Variants in CDK3 observed in about 807,000 individuals in gnomAD.
CDK3 encodes cyclin dependent kinase 3, also known as cyclin-dependent kinase 3.
A neutral mutation model predicts 30.2 loss-of-function variants in CDK3; 24 were observed. The observed-to-expected ratio is 0.79, with a 90% CI of 0.57 to 1.12. The LOEUF (loss-of-function observed/expected upper bound fraction) is 1.12, where lower values mean the gene tolerates loss of function less well. Ranked by LOEUF, CDK3 falls within the 50% of genes most tolerant of loss-of-function variation. The pLI is 0.00. For synonymous variants in CDK3, 158 were observed against 154.2 expected (o/e 1.02, Z -0.18); for missense variants, 345 against 376.0 (o/e 0.92, Z 0.68).
In CDK3 at chr17:76,005,416, G is replaced by A. The variant is rs761255799; in HGVS notation, c.911G>A (p.Arg304His). Residue 304 changes from arginine to histidine, a missense_variant, in exon 8 of 8, where the codon CGC (arginine) becomes CAC (histidine). Arg to His is a conservative substitution (Grantham distance 29). Transcript: ENST00000448471. The surrounding 1 kb of genome is among the most constrained non-coding windows in gnomAD (Gnocchi z 4.7). ...AARQYVLQRF[R>H]H The stretch of plus-strand genomic sequence containing the variant: ...CGCCAGTATGTGCTGCAGCGATTCC[G>A]CCATTGAGAATGTCAAGGCCACACT... 2.5e-6 allele frequency: 4 copies of A among 1,612,650 alleles called. No individual in the cohort carries two copies. Among genetic ancestry groups the A allele is most frequent in the Admixed American group, 3.3e-5 (2 of 59,826 alleles).
Position 76,001,435 on chromosome 17 carries a change from T to G in CDK3, c.10T>G (p.Phe4Val). Residue 4 changes from phenylalanine (F) to valine (V), a missense_variant, in exon 2 of 8, where the codon TTC becomes GTC. Transcript: ENST00000448471. The surrounding 1 kb of genome is among the most constrained non-coding windows in gnomAD (Gnocchi z 6.2). Reference sequence around the variant, plus strand: ...AGGCAGCTCTGTGGCCATGGATATGTTCCAGAAGGTAGAGAAGATCGGAGA... The same window carrying G: ...AGGCAGCTCTGTGGCCATGGATATGGTCCAGAAGGTAGAGAAGATCGGAGA... MDM[F>V]QKVEKIGEGT... The G allele has an allele frequency of 6.2e-7, 1 of 1,614,110 alleles. No individual in the cohort carries two copies. The highest frequency in any genetic ancestry group is 8.5e-7 in the Non-Finnish European group (1 of 1,179,974).
chr17:76,001,081 G>A lies in CDK3; in HGVS notation c.-15+114G>A, dbSNP rs183174768. 7.0e-3 allele frequency: 8,285 copies of A among 1,182,290 alleles called. 42 individuals carry two copies. Among genetic ancestry groups the A allele is most frequent in the Non-Finnish European group, 8.1e-3 (7,628 of 943,320 alleles). The allele number at this position is 1,182,290 out of a possible 1,614,324, so 73.2% of individuals were successfully genotyped here. A position where few individuals can be genotyped will look rare whatever the true frequency, so the allele number is the denominator to read the frequency against. ...TCTGACTTCCTGGGGGTTCTGGCTG[G>A]GATGGGCAGGGGGCTGGGTGGGAGA... On this transcript the variant is annotated intron_variant, in intron 1 of 7. Coordinates refer to ENST00000448471, the MANE Select transcript of CDK3 (RefSeq NM_001258.4). The surrounding 1 kb of genome is among the most constrained non-coding windows in gnomAD (Gnocchi z 6.2).
chr17:76,001,399 TTC>T lies in CDK3; in HGVS notation c.-14-11_-14-10del. 1.9e-6 allele frequency: 3 copies of T among 1,613,840 alleles called. No homozygotes were observed. In the South Asian group the frequency reaches 3.3e-5, roughly 18 times the overall value. ...CGTGGGGTGCAAATTGCCCGGTGCC[TTC>T]TGTTTCCCAGGCAGCTCTGTGGCCA... is the stretch of plus-strand genomic sequence containing the variant. On this transcript the variant is annotated splice_polypyrimidine_tract_variant and intron_variant, in intron 1 of 7. Coordinates refer to ENST00000448471, the MANE Select transcript of CDK3 (RefSeq NM_001258.4). This position sits in a 1 kb window ranked among gnomAD's most constrained non-coding sequence, Gnocchi z 6.2.
rs1296582663 is a variant in CDK3, at chr17:76,003,256, G to A, written c.650G>A (p.Arg217His). 5 of 1,614,080 alleles carry A rather than the reference G, an allele frequency of 3.1e-6. No homozygotes were observed. Among genetic ancestry groups the A allele is most frequent in the Non-Finnish European group, 4.2e-6 (5 of 1,180,014 alleles). The change falls in exon 7 of 8, where the codon CGT (arginine) becomes CAT (histidine). Residue 217 changes from arginine to histidine, a missense_variant. By Grantham distance (29) the Arg-to-His change is conservative. Transcript: ENST00000448471. ...SEIDQLFRIF[R>H]MLGTPSEDTW... ...ATTGACCAGCTCTTTCGTATCTTTC[G>A]TATGCTGGGGACACCCAGCGAAGAC...
Position 76,001,051 on chromosome 17 carries a change from T to G in CDK3, c.-15+84T>G, listed in dbSNP as rs1270968826. 3 of 1,115,758 alleles carry G rather than the reference T, an allele frequency of 2.7e-6. No individual in the cohort carries two copies. The highest frequency in any genetic ancestry group is 2.1e-5 in the South Asian group (1 of 48,512). 69.1% of individuals were successfully genotyped at this position (1,115,758 alleles called of 1,614,324 possible). On this transcript the variant is annotated intron_variant, in intron 1 of 7. Transcript: ENST00000448471. The surrounding 1 kb of genome is among the most constrained non-coding windows in gnomAD (Gnocchi z 6.2). ...ATGTTGGGCTGGGCTGGGCGAGGGGTGGTCTCTGACTTCCTGGGGGTTCTG... is the reference window on the plus strand; with the variant it reads ...ATGTTGGGCTGGGCTGGGCGAGGGGGGGTCTCTGACTTCCTGGGGGTTCTG...
In CDK3 at chr17:76,002,672, G is replaced by C. The variant is rs753219106; in HGVS notation, c.588+60G>C. ...ACAGGCAGGGTCCTACTGGGGTTGGGTGGGGTCCACTGATGCTCCCATTCG... is the reference window on the plus strand; with the variant it reads ...ACAGGCAGGGTCCTACTGGGGTTGGCTGGGGTCCACTGATGCTCCCATTCG... On this transcript the variant is annotated intron_variant, in intron 6 of 7. Transcript: ENST00000448471. The surrounding 1 kb of genome is among the most constrained non-coding windows in gnomAD (Gnocchi z 4.3). 9.0e-6 allele frequency: 7 copies of C among 775,098 alleles called. No individual in the cohort carries two copies. Among genetic ancestry groups the C allele is most frequent in the Non-Finnish European group, 1.7e-5 (7 of 416,836 alleles). 48.0% of individuals were successfully genotyped at this position (775,098 alleles called of 1,614,324 possible).
chr17:76,001,188 C>T lies in CDK3; in HGVS notation c.-15+221C>T, dbSNP rs2066255293. On this transcript the variant is annotated intron_variant, in intron 1 of 7. Transcript: ENST00000448471. The surrounding 1 kb of genome is among the most constrained non-coding windows in gnomAD (Gnocchi z 6.2). ...GAACTGGGCTGGGTGAAGGGGGCCC[C>T]CTGACCCCCTTGGGGTCCGGGCTGG... is the stretch of plus-strand genomic sequence containing the variant. 7.3e-7 allele frequency: 1 copy of T among 1,370,826 alleles called. No homozygotes were observed. Among genetic ancestry groups the T allele is most frequent in the Admixed American group, 3.0e-5 (1 of 32,974 alleles). 84.9% of individuals were successfully genotyped at this position (1,370,826 alleles called of 1,614,324 possible). A position where few individuals can be genotyped will look rare whatever the true frequency, so the allele number is the denominator to read the frequency against.
At chr17:76,003,534 A>G (rs955617557) in intron 7 of CDK3, 136 bp downstream of exon 7, 1 of 660,800 alleles carries the variant, frequency 1.5e-6, no homozygotes, top group African/African-American at 1.8e-5. Context: ...TGGCTTGGGT[A>G]TACTGATTGT....
chr17:76,003,466 A>G, intron 7 of CDK3, 68 bp downstream of exon 7: 2 of 1,345,012 alleles, frequency 1.5e-6, no homozygotes, highest in Non-Finnish European at 2.1e-6. Context: ...CCTCTTACAT[A>G]ACCCTGGCAC....
chr17:76,003,543 G>C (rs1350771875), intron 7 of CDK3, 145 bp downstream of exon 7: 4 of 637,752 alleles, frequency 6.3e-6, no homozygotes, highest in Admixed American at 5.8e-5. Context: ...TATACTGATT[G>C]TTCAACCCGG....
chr17:76,005,695 AGG>A lies in CDK3; in HGVS notation c.*276_*277del. The A allele has an allele frequency of 2.6e-6, 1 of 383,182 alleles. No homozygotes were observed. The highest frequency in any genetic ancestry group is 4.7e-6 in the Non-Finnish European group (1 of 212,288). The allele number at this position is 383,182 out of a possible 1,614,324, so 23.7% of individuals were successfully genotyped here. On this transcript the variant is annotated 3_prime_UTR_variant, in exon 8 of 8. Coordinates refer to ENST00000448471, the MANE Select transcript of CDK3 (RefSeq NM_001258.4). The surrounding 1 kb of genome is among the most constrained non-coding windows in gnomAD (Gnocchi z 4.7). Reference sequence around the variant, plus strand: ...CTGGAACAAGTGCCAAGTTGAAGGCAGGGGGCCTGCCAGAGCTGGGTGTGGGT... The same window carrying A: ...CTGGAACAAGTGCCAAGTTGAAGGCAGGGCCTGCCAGAGCTGGGTGTGGGT...
chr17:76,001,265 G>C lies in CDK3; in HGVS notation c.-14-147G>C. The stretch of plus-strand genomic sequence containing the variant: ...CCAGCCAGGTTCCCAGGCAGGATGA[G>C]CTGGGGTTGGGGTGGCTAGGCCGTG... On this transcript the variant is annotated intron_variant, in intron 1 of 7. Transcript: ENST00000448471. The surrounding 1 kb of genome is among the most constrained non-coding windows in gnomAD (Gnocchi z 6.2). The C allele has an allele frequency of 6.7e-7, 1 of 1,499,504 alleles. No homozygotes were observed. The highest frequency in any genetic ancestry group is 8.9e-7 in the Non-Finnish European group (1 of 1,126,238). The allele number at this position is 1,499,504 out of a possible 1,614,324, so 92.9% of individuals were successfully genotyped here.
Position 76,002,558 on chromosome 17 carries a change from G to C in CDK3, c.534G>C (p.Lys178Asn), listed in dbSNP as rs778345034. 2.1e-6 allele frequency: 2 copies of C among 939,544 alleles called. No individual in the cohort carries two copies. The highest frequency in any genetic ancestry group is 3.5e-6 in the Non-Finnish European group (2 of 563,426). 58.2% of individuals were successfully genotyped at this position (939,544 alleles called of 1,614,324 possible). A position where few individuals can be genotyped will look rare whatever the true frequency, so the allele number is the denominator to read the frequency against. The change falls in exon 6 of 8, where the codon AAG becomes AAC. Residue 178 changes from lysine to asparagine, a missense_variant. Lys to Asn is a moderately conservative substitution (Grantham distance 94). Coordinates refer to ENST00000448471, the MANE Select transcript of CDK3 (RefSeq NM_001258.4). This position sits in a 1 kb window ranked among gnomAD's most constrained non-coding sequence, Gnocchi z 4.3. ...CCCCCGAGATTCTCTTGGGCAGCAA[G>C]TTCTATACCACAGCTGTGGATATCT... Reference protein sequence around the residue: ...YRAPEILLGSKFYTTAVDIWS... With the variant: ...YRAPEILLGSNFYTTAVDIWS...
chr17:76,005,317 C>T lies in CDK3; in HGVS notation c.812C>T (p.Pro271Leu). 1 of 1,614,086 alleles carries T rather than the reference C, an allele frequency of 6.2e-7. No homozygotes were observed. The highest frequency in any genetic ancestry group is 1.7e-5 in the Admixed American group (1 of 60,026). ...TCCTAGCAACTCCTGCAGTATGACC[C>T]CAGCCAGCGGATCACAGCCAAGACT... ...DLLMQLLQYD[P>L]SQRITAKTAL... is the part of the protein sequence containing the mutation. Residue 271 changes from proline (P) to leucine (L), a missense_variant, in exon 8 of 8, where the codon CCC becomes CTC. Pro to Leu is a moderately conservative substitution (Grantham distance 98). Coordinates refer to ENST00000448471, the MANE Select transcript of CDK3 (RefSeq NM_001258.4). This position sits in a 1 kb window ranked among gnomAD's most constrained non-coding sequence, Gnocchi z 4.7.
chr17:76,002,547 T>C lies in CDK3; in HGVS notation c.523T>C (p.Leu175=), dbSNP rs752878231. The change falls in exon 6 of 8, where the codon TTG becomes CTG. Residue 175 remains leucine (L), a synonymous_variant. Transcript: ENST00000448471. The surrounding 1 kb of genome is among the most constrained non-coding windows in gnomAD (Gnocchi z 4.3). The part of the protein sequence containing the change: ...TLWYRAPEIL[L]GSKFYTTAVD... ...GTGGTATCGCGCCCCCGAGATTCTC[T>C]TGGGCAGCAAGTTCTATACCACAGC... The C allele has an allele frequency of 9.5e-7, 1 of 1,051,132 alleles. No homozygotes were observed. The highest frequency in any genetic ancestry group is 1.5e-6 in the Non-Finnish European group (1 of 665,332). 65.1% of individuals were successfully genotyped at this position (1,051,132 alleles called of 1,614,324 possible).
chr17:76,002,109 C>A lies in CDK3; in HGVS notation c.282C>A (p.Thr94=), dbSNP rs754183853. Residue 94 remains threonine (T), a synonymous_variant, in exon 4 of 8, where the codon ACC becomes ACA. Coordinates refer to ENST00000448471, the MANE Select transcript of CDK3 (RefSeq NM_001258.4). The surrounding 1 kb of genome is among the most constrained non-coding windows in gnomAD (Gnocchi z 4.3). ...ACCTGAAGAAGTACATGGACTCCAC[C>A]CCAGGCTCAGAGCTCCCCCTGCACC... is the stretch of plus-strand genomic sequence containing the variant. The part of the protein sequence containing the change: ...SQDLKKYMDS[T]PGSELPLHLI... 2 of 1,613,948 alleles carry A rather than the reference C, an allele frequency of 1.2e-6. No homozygotes were observed. Among genetic ancestry groups the A allele is most frequent in the Non-Finnish European group, 1.7e-6 (2 of 1,179,988 alleles).
Position 76,002,838 on chromosome 17 carries a change from A to G in CDK3, c.588+226A>G. On this transcript the variant is annotated intron_variant, in intron 6 of 7. Coordinates refer to ENST00000448471, the MANE Select transcript of CDK3 (RefSeq NM_001258.4). The surrounding 1 kb of genome is among the most constrained non-coding windows in gnomAD (Gnocchi z 4.3). ...ACGTAACAAATCCCCAGCTCTTAAA[A>G]AACTACAAAAATTAGCTGGGTGTGG... 1 of 552,212 alleles carries G rather than the reference A, an allele frequency of 1.8e-6. No individual in the cohort carries two copies. The highest frequency in any genetic ancestry group is 3.3e-6 in the Non-Finnish European group (1 of 307,688). 34.2% of individuals were successfully genotyped at this position (552,212 alleles called of 1,614,324 possible).
Position 76,001,853 on chromosome 17 carries a change from C to A in CDK3, c.117-21C>A. Reference sequence around the variant, plus strand: ...TCTTGGCCCAAGTCTCTGCCCACGGCTGTGCCCTTGTTTCTTGCAGGGAGA... The same window carrying A: ...TCTTGGCCCAAGTCTCTGCCCACGGATGTGCCCTTGTTTCTTGCAGGGAGA... On this transcript the variant is annotated intron_variant, in intron 2 of 7. Coordinates refer to ENST00000448471, the MANE Select transcript of CDK3 (RefSeq NM_001258.4). The surrounding 1 kb of genome is among the most constrained non-coding windows in gnomAD (Gnocchi z 6.2). 3 of 1,609,486 alleles carry A rather than the reference C, an allele frequency of 1.9e-6. No homozygotes were observed. The highest frequency in any genetic ancestry group is 2.5e-6 in the Non-Finnish European group (3 of 1,176,570).
Position 76,002,319 on chromosome 17 carries a change from G to A in CDK3, c.387G>A (p.Lys129=), listed in dbSNP as rs1243578290. The A allele has an allele frequency of 1.2e-6, 2 of 1,612,732 alleles. No homozygotes were observed. The highest frequency in any genetic ancestry group is 3.3e-5 in the Admixed American group (2 of 60,006). ...HSHRVIHRDL[K]PQNLLINELG... is the part of the protein sequence containing the mutation. Reference sequence around the variant, plus strand: ...ATCGGGTCATCCACCGAGACCTGAAGCCCCAGAACCTGCTCATCAATGAGT... The same window carrying A: ...ATCGGGTCATCCACCGAGACCTGAAACCCCAGAACCTGCTCATCAATGAGT... Residue 129 remains lysine (K), a synonymous_variant, in exon 5 of 8, where the codon AAG becomes AAA. Coordinates refer to ENST00000448471, the MANE Select transcript of CDK3 (RefSeq NM_001258.4). This position sits in a 1 kb window ranked among gnomAD's most constrained non-coding sequence, Gnocchi z 4.3.
Sources: allele counts gnomAD v4.1 joint callset, GRCh38; gene constraint gnomAD v4.1.1; non-coding constraint Gnocchi (gnomAD v3.1); transcripts MANE v1.5; gene names NCBI Gene and HGNC (gene_info 2026-07-23, HGNC 2026-07-21).